CDH5: variants seen among roughly 807,000 people sequenced by gnomAD.
The protein encoded by CDH5 is cadherin 5.
CDH5 carries 28 observed loss-of-function variants against 62.0 expected under a neutral mutation model. That is an observed-to-expected ratio of 0.45 (90% CI 0.33 to 0.62). CDH5 has a LOEUF of 0.62. Among genes scored for constraint, CDH5 ranks in the 20% least tolerant of loss-of-function variants. CDH5 has a pLI of 0.02. For synonymous variants in CDH5, 464 were observed against 445.8 expected (o/e 1.04, Z -0.52); for missense variants, 940 against 1,065.1 (o/e 0.88, Z 1.63).
At chr16:66,391,365 G>C (rs1157994803) in intron 6 of CDH5, among the ~76,000 whole-genome samples, 1 of 152,164 alleles carries the variant, frequency 6.6e-6, no homozygotes, top group South Asian at 2.1e-4. Context: ...ACCTCTGCTA[G>C]GAGGGGTTTC....
intron 7 of CDH5, among the ~76,000 whole-genome samples, chr16:66,393,347 A>G (rs1961122341): frequency 6.6e-6 from 1 of 152,212 alleles, no homozygotes; most frequent in Non-Finnish European, 1.5e-5. Flanking sequence ...AATAGTTAAG[A>G]CTGGGTAATT....
At chr16:66,378,651 T>C (rs1003927140) in intron 1 of CDH5, among the ~76,000 whole-genome samples, 2 of 152,196 alleles carry the variant, frequency 1.3e-5, no homozygotes, top group South Asian at 2.1e-4. Flanking sequence ...GGAGCTGCCA[T>C]TGGCATCAGC....
chr16:66,378,942 G>A lies in CDH5; in HGVS notation c.-19-377G>A, dbSNP rs143350529. Among the ~76,000 whole-genome samples the A allele has an allele frequency of 5.7e-3, 874 of 152,284 alleles. 4 individuals carry two copies. Among genetic ancestry groups the A allele is most frequent in the African/African-American group, 0.019 (787 of 41,556 alleles). On this transcript the variant is annotated intron_variant, in intron 1 of 11. Transcript: ENST00000341529. The stretch of plus-strand genomic sequence containing the variant: ...CAGTGGCCACCATATATGGGCGATC[G>A]GTCAGAGTGGTGGAAGAAATTTTAG...
chr16:66,403,187 G>C lies in CDH5; in HGVS notation c.*18G>C. The C allele has an allele frequency of 6.3e-7, 1 of 1,593,226 alleles. No individual in the cohort carries two copies. Among genetic ancestry groups the C allele is most frequent in the South Asian group, 1.1e-5 (1 of 88,918 alleles). On this transcript the variant is annotated 3_prime_UTR_variant, in exon 12 of 12. Transcript: ENST00000341529. The surrounding 1 kb of genome is among the most constrained non-coding windows in gnomAD (Gnocchi z 4.3). ...TGTATTAGGCGGCCGAGGTCACTCT[G>C]GGCCTGGGGACCCAAACCCCCTGCA...
At chr16:66,383,426 A>G (rs567688932) in intron 2 of CDH5, among the ~76,000 whole-genome samples, 6 of 152,312 alleles carry the variant, frequency 3.9e-5, no homozygotes, top group African/African-American at 1.2e-4. Context: ...AATAAAGTCT[A>G]GGGAAGAAAA....
At position 66,379,361 on chromosome 16, in the gene CDH5, C is replaced by G. The variant is rs762331008; in HGVS notation, c.24C>G (p.Leu8=). 11 of 1,612,592 alleles carry G rather than the reference C, an allele frequency of 6.8e-6. No homozygotes were observed. The African/African-American group carries it at 1.3e-4, about 20-fold the overall frequency. MQRLMML[L]ATSGACLGLL... ...AGATGCAGAGGCTCATGATGCTCCT[C>G]GCCACATCGGGCGCCTGCCTGGGCC... Residue 8 remains leucine, a synonymous_variant, in exon 2 of 12, where the codon CTC becomes CTG. Coordinates refer to ENST00000341529, the MANE Select transcript of CDH5 (RefSeq NM_001795.5).
intron 9 of CDH5, 117 bp downstream of exon 9, chr16:66,398,223 C>T (rs897308703): frequency 2.5e-6 from 3 of 1,211,042 alleles, no homozygotes; most frequent in African/African-American, 3.0e-5. Flanking sequence ...AGGAAAATAA[C>T]ATTATGCCCA....
chr16:66,383,382 T>C (rs944148564), intron 2 of CDH5, among the ~76,000 whole-genome samples: 2 of 152,180 alleles, frequency 1.3e-5, no homozygotes, highest in African/African-American at 4.8e-5. Context: ...CCCTAGTTTC[T>C]CAATTTTTCT....
chr16:66,374,519 T>C (rs1049980516), intron 1 of CDH5, among the ~76,000 whole-genome samples: 3 of 152,164 alleles, frequency 2.0e-5, no homozygotes, highest in Non-Finnish European at 4.4e-5. Flanking sequence ...GGGCCCCTGC[T>C]GGACACACAA....
At chr16:66,390,302 G>T in intron 5 of CDH5, 101 bp from the exon 6 acceptor site, 2 of 844,568 alleles carry the variant, frequency 2.4e-6, no homozygotes, top group East Asian at 5.4e-5. Context: ...ATTTTATTAT[G>T]CCCATTTCTT....
intron 7 of CDH5, among the ~76,000 whole-genome samples, chr16:66,393,238 C>A (rs1961120324): frequency 6.6e-6 from 1 of 152,182 alleles, no homozygotes; most frequent in Non-Finnish European, 1.5e-5. Flanking sequence ...TCTGTATATA[C>A]CTGTATCTAC....
intron 2 of CDH5, among the ~76,000 whole-genome samples, chr16:66,380,936 C>T (rs1338738899): frequency 6.6e-6 from 1 of 151,968 alleles, no homozygotes; most frequent in African/African-American, 2.4e-5. Context: ...TTCAATTTCT[C>T]CCAGACCTTG....
intron 6 of CDH5, among the ~76,000 whole-genome samples, chr16:66,391,219 T>C (rs1961077818): frequency 6.6e-6 from 1 of 152,110 alleles, no homozygotes; most frequent in African/African-American, 2.4e-5. Flanking sequence ...ATGCTGGGGC[T>C]TGGAAACACC....
intron 2 of CDH5, among the ~76,000 whole-genome samples, chr16:66,385,645 C>T (rs1392118978): frequency 1.3e-5 from 2 of 152,112 alleles, no homozygotes; most frequent in Non-Finnish European, 2.9e-5. Context: ...GTGATGTCAT[C>T]GAAGGCCAAG....
intron 7 of CDH5, among the ~76,000 whole-genome samples, chr16:66,394,739 AGTTTT>A (rs1312598643): frequency 1.3e-5 from 2 of 151,384 alleles, no homozygotes; most frequent in Non-Finnish European, 2.9e-5. Context: ...AAAAATCAAT[AGTTTT>A]GTTTTAATTC....
Position 66,400,694 on chromosome 16 carries a change from G to C in CDH5, c.1592-77G>C, listed in dbSNP as rs547362331. The stretch of plus-strand genomic sequence containing the variant: ...GAGCACGCAGGCTGGTGCAGTCAGG[G>C]AGGGCTTCCTGGAGGAGCCAGGTTT... On this transcript the variant is annotated intron_variant, in intron 10 of 11. Coordinates refer to ENST00000341529, the MANE Select transcript of CDH5 (RefSeq NM_001795.5). 6.5e-4 allele frequency: 1,026 copies of C among 1,583,210 alleles called. 1 individual carries two copies. Among genetic ancestry groups the C allele is most frequent in the Non-Finnish European group, 8.4e-4 (966 of 1,154,552 alleles).
intron 3 of CDH5, 37 bp downstream of exon 3, chr16:66,387,134 C>T: frequency 6.3e-7 from 1 of 1,579,124 alleles, no homozygotes; most frequent in South Asian, 1.2e-5. Context: ...CTCCCTCCCT[C>T]ATCCCCAGCC....
chr16:66,372,391 T>C (rs564060446), intron 1 of CDH5, among the ~76,000 whole-genome samples: 10 of 152,318 alleles, frequency 6.6e-5, no homozygotes, highest in African/African-American at 2.4e-4. Context: ...ACATGTGTCC[T>C]AAATCCAGGC....
At chr16:66,394,695 T>A (rs983017993) in intron 7 of CDH5, among the ~76,000 whole-genome samples, 7 of 152,176 alleles carry the variant, frequency 4.6e-5, no homozygotes, top group African/African-American at 1.7e-4. Context: ...ATTATAGACA[T>A]ACACACACCC....
Sources: gnomAD v4.1 joint callset for allele counts (sites outside exome capture counted in the v4.1 genomes callset) on GRCh38, gnomAD v4.1.1 for gene constraint, Gnocchi (gnomAD v3.1) non-coding constraint, MANE v1.5 for transcripts, NCBI Gene and HGNC (gene_info 2026-07-23, HGNC 2026-07-21) for gene names.